GALNTL6: variants seen among roughly 807,000 people sequenced by gnomAD.
The protein encoded by GALNTL6 is polypeptide N-acetylgalactosaminyltransferase-like 6.
Under a neutral mutation model 73.7 loss-of-function variants are expected in GALNTL6, and 46 were observed. The observed-to-expected ratio is 0.62, with a 90% CI of 0.49 to 0.80. The LOEUF (loss-of-function observed/expected upper bound fraction) is 0.80. Ranked by LOEUF, GALNTL6 falls within the 30% of genes least tolerant of loss-of-function variation. GALNTL6 has a pLI of 0.00. For missense variants in GALNTL6, 604 were observed against 755.0 expected (o/e 0.80, Z 2.34); for synonymous variants, 259 against 263.7 (o/e 0.98, Z 0.17).
chr4:172,900,920 G>C (rs1306337521), intron 8 of GALNTL6, among the ~76,000 whole-genome samples: 1 of 152,124 alleles, frequency 6.6e-6, no homozygotes, highest in Non-Finnish European at 1.5e-5. Context: ...TTAGGCAACC[G>C]TAAACTTGCA....
chr4:171,864,525 TTGC>T (rs1378757102), intron 2 of GALNTL6, among the ~76,000 whole-genome samples: 1 of 152,206 alleles, frequency 6.6e-6, no homozygotes, highest in East Asian at 1.9e-4. Context: ...AAGCTGTAAA[TTGC>T]CCACTGAATC....
chr4:171,878,828 C>G (rs1399454839), intron 2 of GALNTL6, among the ~76,000 whole-genome samples: 1 of 152,082 alleles, frequency 6.6e-6, no homozygotes, highest in Non-Finnish European at 1.5e-5. Context: ...ACACCATTCT[C>G]CTTGGCACTG....
At chr4:172,206,427 T>C (rs921773389) in intron 2 of GALNTL6, among the ~76,000 whole-genome samples, 3 of 152,222 alleles carry the variant, frequency 2.0e-5, no homozygotes, top group African/African-American at 7.2e-5. Flanking sequence ...ATGAATGTTC[T>C]TGGCAGTCCT....
intron 2 of GALNTL6, among the ~76,000 whole-genome samples, chr4:172,161,865 G>T (rs1020843853): frequency 2.6e-5 from 4 of 151,870 alleles, no homozygotes; most frequent in Admixed American, 6.6e-5. Flanking sequence ...AAAGATTGAG[G>T]CAAAGATGTT....
intron 5 of GALNTL6, among the ~76,000 whole-genome samples, chr4:172,576,410 G>A (rs954147648): frequency 1.3e-5 from 2 of 152,126 alleles, no homozygotes; most frequent in African/African-American, 4.8e-5. Context: ...CTTCTGTAAT[G>A]TACCCAGCCA....
intron 8 of GALNTL6, among the ~76,000 whole-genome samples, chr4:172,924,445 C>T (rs75069746): frequency 6.6e-6 from 1 of 152,160 alleles, no homozygotes; most frequent in African/African-American, 2.4e-5. Context: ...TGAGTGCTCA[C>T]TACGTATTTG....
intron 5 of GALNTL6, among the ~76,000 whole-genome samples, chr4:172,774,355 G>T (rs991384160): frequency 5.9e-5 from 9 of 152,140 alleles, no homozygotes; most frequent in Non-Finnish European, 7.4e-5. Context: ...CCCTTTGATT[G>T]GGGGGTGCAA....
At chr4:172,219,898 C>A (rs1294932220) in intron 2 of GALNTL6, among the ~76,000 whole-genome samples, 5 of 151,926 alleles carry the variant, frequency 3.3e-5, no homozygotes, top group African/African-American at 1.2e-4. Flanking sequence ...TGCTTGCTTA[C>A]CCACGTAAGA....
chr4:172,159,737 T>C (rs1366635105), intron 2 of GALNTL6, among the ~76,000 whole-genome samples: 1 of 152,096 alleles, frequency 6.6e-6, no homozygotes, highest in Non-Finnish European at 1.5e-5. Context: ...TAACCTAAAG[T>C]CAAAGGCCAG....
chr4:173,003,566 C>T (rs964375333), intron 10 of GALNTL6, among the ~76,000 whole-genome samples: 2 of 152,206 alleles, frequency 1.3e-5, no homozygotes, highest in African/African-American at 2.4e-5. Context: ...CCACTTGCAA[C>T]GTACAAACAC....
intron 5 of GALNTL6, among the ~76,000 whole-genome samples, chr4:172,672,493 T>C (rs569192037): frequency 1.3e-5 from 2 of 152,336 alleles, no homozygotes; most frequent in East Asian, 3.9e-4. Context: ...TGTTGTATCA[T>C]GGCCAAGTTT....
intron 3 of GALNTL6, among the ~76,000 whole-genome samples, chr4:172,237,717 T>G (rs1294417400): frequency 1.3e-5 from 2 of 152,316 alleles, no homozygotes; most frequent in East Asian, 1.9e-4. Flanking sequence ...TTTTATAATT[T>G]TAGGTTTTAC....
At chr4:172,451,185 A>G (rs931511459) in intron 5 of GALNTL6, among the ~76,000 whole-genome samples, 8 of 152,212 alleles carry the variant, frequency 5.3e-5, no homozygotes, top group African/African-American at 1.7e-4. Context: ...CCAACACTGT[A>G]TGTTCCATTT....
At chr4:172,267,975 G>C (rs931155550) in intron 3 of GALNTL6, among the ~76,000 whole-genome samples, 4 of 152,126 alleles carry the variant, frequency 2.6e-5, no homozygotes, top group Non-Finnish European at 5.9e-5. Context: ...ATATGCAGTT[G>C]TTGAGACTTT....
intron 5 of GALNTL6, among the ~76,000 whole-genome samples, chr4:172,479,418 C>G (rs1336977592): frequency 6.6e-6 from 1 of 152,116 alleles, no homozygotes; most frequent in Admixed American, 6.6e-5. Context: ...TATTTTGCAG[C>G]AACTTGGATG....
At chr4:172,935,547 G>A (rs1223670820) in intron 9 of GALNTL6, among the ~76,000 whole-genome samples, 2 of 151,858 alleles carry the variant, frequency 1.3e-5, no homozygotes, top group African/African-American at 4.8e-5. Context: ...GACTAATAAA[G>A]AAGAAAAGAG....
Position 171,948,831 on chromosome 4 carries a change from A to G in GALNTL6, c.138+134113A>G, listed in dbSNP as rs549945912. ...TTCCTGAAAAATAGGCAATATCTCA[A>G]TAAAATTTACTGTTAGCAAATGATG... On this transcript the variant is annotated intron_variant, in intron 2 of 12. Transcript: ENST00000506823. Among the ~76,000 whole-genome samples the G allele has an allele frequency of 5.3e-5, 8 of 152,238 alleles. No individual in the cohort carries two copies. In the South Asian group the frequency reaches 1.7e-3, roughly 32 times the overall value.
chr4:173,011,029 A>G (rs1474892879), intron 11 of GALNTL6, among the ~76,000 whole-genome samples: 2 of 152,174 alleles, frequency 1.3e-5, no homozygotes, highest in African/African-American at 4.8e-5. Context: ...GTTATTGCCT[A>G]TCTTTTGGAT....
chr4:172,000,239 C>T (rs1740630982), intron 2 of GALNTL6, among the ~76,000 whole-genome samples: 1 of 152,180 alleles, frequency 6.6e-6, no homozygotes, highest in Non-Finnish European at 1.5e-5. Context: ...ACAATTATGA[C>T]TAATGAGGTC....
Sources: allele counts gnomAD v4.1 joint callset (sites outside exome capture counted in the v4.1 genomes callset), GRCh38; gene constraint gnomAD v4.1.1; transcripts MANE v1.5; gene names NCBI Gene and HGNC (gene_info 2026-07-23, HGNC 2026-07-21).